The following ABLIM2 variants were observed in gnomAD, a reference collection of about 807,000 sequenced individuals.
ABLIM2 encodes actin-binding LIM protein 2.
Under a neutral mutation model 97.7 loss-of-function variants are expected in ABLIM2, and 53 were observed. That is an observed-to-expected ratio of 0.54 (90% confidence interval 0.44 to 0.68). The LOEUF (loss-of-function observed/expected upper bound fraction) is 0.68, where lower values mean the gene tolerates loss of function less well. Among genes scored for constraint, ABLIM2 ranks in the 30% least tolerant of loss-of-function variants. ABLIM2 has a pLI of 0.00. For missense variants in ABLIM2, 835 were observed against 867.2 expected (o/e 0.96, Z 0.47); for synonymous variants, 361 against 345.8 (o/e 1.04, Z -0.49).
chr4:8,036,073 G>C, intron 10 of ABLIM2, 76 bp downstream of exon 10: 1 of 1,545,970 alleles, frequency 6.5e-7, no homozygotes, highest in South Asian at 1.2e-5. Context: ...TAGGACACAT[G>C]CTAGGGATGA....
intron 17 of ABLIM2, among the ~76,000 whole-genome samples, 184 bp from the exon 18 acceptor site, chr4:7,985,077 G>A (rs913692397): frequency 8.5e-5 from 13 of 152,196 alleles, no homozygotes; most frequent in African/African-American, 3.1e-4. Flanking sequence ...GAAGGGGAGA[G>A]TCCAGGATGC....
rs1298144367 is a variant in ABLIM2 at position 8,069,503 on chromosome 4, T to G, written c.675+8125A>C. 6.6e-6 allele frequency among the ~76,000 whole-genome samples: 1 copy of G among 152,188 alleles called. No individual in the cohort carries two copies. The highest frequency in any genetic ancestry group is 1.5e-5 in the Non-Finnish European group (1 of 68,026). On this transcript the variant is annotated intron_variant, in intron 6 of 20. Transcript: ENST00000447017. This position sits in a 1 kb window ranked among gnomAD's most constrained non-coding sequence, Gnocchi z 4.2. Reference sequence around the variant, plus strand: ...GGAAGGGTAGGACCAGGGGCTCTGATGCGCTGCCGGCATGAGGCAAGGCAG... The same window carrying G: ...GGAAGGGTAGGACCAGGGGCTCTGAGGCGCTGCCGGCATGAGGCAAGGCAG...
In ABLIM2 at chr4:8,061,221, C is replaced by CA. The variant is rs11400226; in HGVS notation, c.676-168_676-167insT. 0.72 allele frequency among the ~76,000 whole-genome samples: 109,246 copies of CA among 151,990 alleles called. 39,929 individuals are homozygous for CA. The highest frequency in any genetic ancestry group is 0.99 in the East Asian group (5,112 of 5,140). ...AAGACCCCTGAGCAGAGCCCAGACC[C>CA]GGGGGTGCCCCCGGGCTGTCCAAGG... On this transcript the variant is annotated intron_variant, in intron 6 of 20. Transcript: ENST00000447017. The surrounding 1 kb of genome is among the most constrained non-coding windows in gnomAD (Gnocchi z 4.5).
rs1850875178 is a variant in ABLIM2 at position 8,140,882 on chromosome 4, T to A, written c.10+17798A>T. Among the ~76,000 whole-genome samples the A allele has an allele frequency of 6.6e-6, 1 of 152,076 alleles. No homozygotes were observed. Among genetic ancestry groups the A allele is most frequent in the Non-Finnish European group, 1.5e-5 (1 of 68,014 alleles). On this transcript the variant is annotated intron_variant, in intron 1 of 20. Coordinates refer to ENST00000447017, the MANE Select transcript of ABLIM2 (RefSeq NM_001130083.2). This position sits in a 1 kb window ranked among gnomAD's most constrained non-coding sequence, Gnocchi z 5.9. ...TATGAAGAATTAGAAGCTGGACCAA[T>A]GCAGAGGAGGCCTGGGTGGTGTGAA...
chr4:8,127,149 T>A lies in ABLIM2; in HGVS notation c.11-20512A>T, dbSNP rs1032589738. On this transcript the variant is annotated intron_variant, in intron 1 of 20. Coordinates refer to ENST00000447017, the MANE Select transcript of ABLIM2 (RefSeq NM_001130083.2). This position sits in a 1 kb window ranked among gnomAD's most constrained non-coding sequence, Gnocchi z 7.3. ...GAGCACAGCTGCCTGTGGGTGAGAA[T>A]CACCACCTTAAAGGAAAAAAGAAAA... is the stretch of plus-strand genomic sequence containing the variant. Among the ~76,000 whole-genome samples the A allele has an allele frequency of 3.3e-5, 5 of 150,898 alleles. No individual in the cohort carries two copies. Among genetic ancestry groups the A allele is most frequent in the Non-Finnish European group, 5.9e-5 (4 of 67,862 alleles).
In ABLIM2 at chr4:8,140,484, G is replaced by A. The variant is rs956919838; in HGVS notation, c.10+18196C>T. Among the ~76,000 whole-genome samples, 2 of 152,104 alleles carry A rather than the reference G, an allele frequency of 1.3e-5. No homozygotes were observed. The highest frequency in any genetic ancestry group is 2.9e-5 in the Non-Finnish European group (2 of 68,014). ...CCTGGAGGCTTGGAAACCTGGCGGG[G>A]AGCATGGGGGAAAGGGGGCAGTGAC... On this transcript the variant is annotated intron_variant, in intron 1 of 20. Transcript: ENST00000447017. The surrounding 1 kb of genome is among the most constrained non-coding windows in gnomAD (Gnocchi z 5.9).
At chr4:8,039,018 C>T (rs113790003) in intron 9 of ABLIM2, among the ~76,000 whole-genome samples, 94 of 152,230 alleles carry the variant, frequency 6.2e-4, no homozygotes, top group African/African-American at 1.9e-3. Context: ...GGCCCCTCCT[C>T]GAGGCTTCCT....
intron 6 of ABLIM2, among the ~76,000 whole-genome samples, chr4:8,064,266 A>T (rs997142578): frequency 6.6e-6 from 1 of 152,122 alleles, no homozygotes; most frequent in Non-Finnish European, 1.5e-5. Flanking sequence ...CCCCTTCAAA[A>T]CTCATGTTGA....
At chr4:8,050,833 C>A (rs1384608608) in intron 8 of ABLIM2, among the ~76,000 whole-genome samples, 1 of 152,240 alleles carries the variant, frequency 6.6e-6, no homozygotes, top group Admixed American at 6.5e-5. Context: ...AGAGGCCAGC[C>A]GCTCTCAGCC....
At chr4:8,057,764 C>T (rs1047924494) in intron 7 of ABLIM2, among the ~76,000 whole-genome samples, 4 of 152,226 alleles carry the variant, frequency 2.6e-5, no homozygotes, top group African/African-American at 9.6e-5. Flanking sequence ...CCTGCCTCAT[C>T]GCCCAGGAGA....
At chr4:8,073,806 G>A (rs1813992513) in intron 6 of ABLIM2, among the ~76,000 whole-genome samples, 1 of 152,262 alleles carries the variant, frequency 6.6e-6, no homozygotes, top group Non-Finnish European at 1.5e-5. Flanking sequence ...AATGACAAAA[G>A]GTTGGGCATG....
At chr4:7,990,509 G>GTTTT (rs2149878506) in intron 17 of ABLIM2, among the ~76,000 whole-genome samples, 1 of 152,248 alleles carries the variant, frequency 6.6e-6, no homozygotes, top group Non-Finnish European at 1.5e-5. Context: ...TTGTTTGTTT[G>GTTTT]TTTGTTTGTT....
rs570567300 is a variant in ABLIM2, at chr4:8,072,344, C to T, written c.675+5284G>A. 1.1e-4 allele frequency among the ~76,000 whole-genome samples: 16 copies of T among 152,340 alleles called. No homozygotes were observed. Among genetic ancestry groups the T allele is most frequent in the African/African-American group, 3.8e-4 (16 of 41,586 alleles). On this transcript the variant is annotated intron_variant, in intron 6 of 20. Coordinates refer to ENST00000447017, the MANE Select transcript of ABLIM2 (RefSeq NM_001130083.2). This position sits in a 1 kb window ranked among gnomAD's most constrained non-coding sequence, Gnocchi z 5.8. Reference sequence around the variant, plus strand: ...AGGGGGGGCTGCCTGATGAAACCCACTTTGCTCGCCCAGTGCGGAGCGTGC... The same window carrying T: ...AGGGGGGGCTGCCTGATGAAACCCATTTTGCTCGCCCAGTGCGGAGCGTGC...
Position 8,088,268 on chromosome 4 carries a change from C to A in ABLIM2, c.355G>T (p.Gly119Trp). 6.2e-7 allele frequency: 1 copy of A among 1,607,488 alleles called. No homozygotes were observed. Among genetic ancestry groups the A allele is most frequent in the Non-Finnish European group, 8.5e-7 (1 of 1,175,546 alleles). The change falls in exon 4 of 21, where the codon GGG becomes TGG. Residue 119 changes from glycine to tryptophan, a missense_variant. Physicochemically the swap from Gly to Trp is radical, Grantham distance 184. Transcript: ENST00000447017. Reference sequence around the variant, plus strand: ...TTCCCGTTGAAGGTCACTCGGTCCCCGGGGGGGAAGGGCAGCCTGAAACAA... The same window carrying A: ...TTCCCGTTGAAGGTCACTCGGTCCCAGGGGGGGAAGGGCAGCCTGAAACAA... Reference protein sequence around the residue: ...CAVCRLPFPPGDRVTFNGKEC... With the variant: ...CAVCRLPFPPWDRVTFNGKEC...
At chr4:8,025,969 T>A (rs979882410) in intron 12 of ABLIM2, among the ~76,000 whole-genome samples, 1 of 152,216 alleles carries the variant, frequency 6.6e-6, no homozygotes, top group African/African-American at 2.4e-5. Context: ...CTGCTGGCCA[T>A]GCTTCTGTTC....
Position 7,984,887 on chromosome 4 carries a change from T to A in ABLIM2, c.1687A>T (p.Asn563Tyr), listed in dbSNP as rs1742371963. 1 of 1,608,900 alleles carries A rather than the reference T, an allele frequency of 6.2e-7. No homozygotes were observed. The highest frequency in any genetic ancestry group is 1.3e-5 in the African/African-American group (1 of 74,850). ...GGGTCTGCTCCACAGGGGGCCAGAT[T>A]GGCATTCTGGAAGAGAAAGAGAGGT... is the stretch of plus-strand genomic sequence containing the variant. ...GKNGLDQRNA[N>Y]LAPCGADPDA... Residue 563 changes from asparagine (N) to tyrosine (Y), a missense_variant, in exon 18 of 21, where the codon AAT (asparagine) becomes TAT (tyrosine). Coordinates refer to ENST00000447017, the MANE Select transcript of ABLIM2 (RefSeq NM_001130083.2).
rs892955943 is a variant in ABLIM2, at chr4:8,150,072, T to G, written c.10+8608A>C. 6.6e-6 allele frequency among the ~76,000 whole-genome samples: 1 copy of G among 152,046 alleles called. No individual in the cohort carries two copies. Among genetic ancestry groups the G allele is most frequent in the African/African-American group, 2.4e-5 (1 of 41,384 alleles). ...ACTGCACCTACTCAGGGAGCCTAAA[T>G]GGAGAGAGTTGTGGGGCAAAGGGGT... On this transcript the variant is annotated intron_variant, in intron 1 of 20. Coordinates refer to ENST00000447017, the MANE Select transcript of ABLIM2 (RefSeq NM_001130083.2). The surrounding 1 kb of genome is among the most constrained non-coding windows in gnomAD (Gnocchi z 6.3).
Position 7,980,941 on chromosome 4 carries a change from A to ATCTTTTTTTTTTTTTTTTT in ABLIM2, c.1824+2322_1824+2323insAAAAAAAAAAAAAAAAAGA, listed in dbSNP as rs1483414043. ...AGAACCATGGTCTCCACAACCCCTT[A>ATCTTTTTTTTTTTTTTTTT]TTTTTTTTTTTTTTTTTTTTGAGAT... On this transcript the variant is annotated intron_variant, in intron 20 of 20. Coordinates refer to ENST00000447017, the MANE Select transcript of ABLIM2 (RefSeq NM_001130083.2). Among the ~76,000 whole-genome samples the ATCTTTTTTTTTTTTTTTTT allele has an allele frequency of 2.7e-4, 22 of 82,984 alleles. 2 individuals carry two copies. The highest frequency in any genetic ancestry group is 8.8e-4 in the African/African-American group (16 of 18,108). The allele number at this position is 82,984 out of a possible 152,430, so 54.4% of individuals were successfully genotyped here.
In ABLIM2 at chr4:8,130,349, T is replaced by C. The variant is rs1367933861; in HGVS notation, c.11-23712A>G. Among the ~76,000 whole-genome samples, 2 of 152,122 alleles carry C rather than the reference T, an allele frequency of 1.3e-5. No homozygotes were observed. The highest frequency in any genetic ancestry group is 2.9e-5 in the Non-Finnish European group (2 of 68,014). On this transcript the variant is annotated intron_variant, in intron 1 of 20. Coordinates refer to ENST00000447017, the MANE Select transcript of ABLIM2 (RefSeq NM_001130083.2). This position sits in a 1 kb window ranked among gnomAD's most constrained non-coding sequence, Gnocchi z 4.2. ...ATCATCTTAAGGGGATTCTCTGTAA[T>C]GTTCAGGAGAGGGCCATGTGGAGAG...
Sources: gnomAD v4.1 joint callset for allele counts (sites outside exome capture counted in the v4.1 genomes callset) on GRCh38, gnomAD v4.1.1 for gene constraint, Gnocchi (gnomAD v3.1) non-coding constraint, MANE v1.5 for transcripts, NCBI Gene and HGNC (gene_info 2026-07-23, HGNC 2026-07-21) for gene names.